RBFOX1: variants seen among roughly 807,000 people sequenced by gnomAD.
RBFOX1 encodes RNA binding protein fox-1 homolog 1.
RBFOX1 carries 8 observed loss-of-function variants against 57.7 expected under a neutral mutation model. The observed-to-expected ratio is 0.14, with a 90% CI of 0.08 to 0.25. RBFOX1 has a LOEUF of 0.25. RBFOX1 is among the 10% of genes least tolerant of loss of function. The probability of loss-of-function intolerance (pLI) is 1.00; values close to 1 mark genes in which losing one functional copy is unlikely to be tolerated. For synonymous variants in RBFOX1, 326 were observed against 222.4 expected (o/e 1.47, Z -4.15); for missense variants, 611 against 548.5 (o/e 1.11, Z -1.14).
chr16:6,313,936 A>G (rs908409449), intron 1 of RBFOX1, among the ~76,000 whole-genome samples: 1 of 152,142 alleles, frequency 6.6e-6, no homozygotes, highest in Non-Finnish European at 1.5e-5. Flanking sequence ...CTTTATAACA[A>G]TGGTTCTCAG....
At chr16:6,506,284 A>G (rs1473942594) in intron 2 of RBFOX1, among the ~76,000 whole-genome samples, 1 of 152,112 alleles carries the variant, frequency 6.6e-6, no homozygotes, top group Non-Finnish European at 1.5e-5. Context: ...GAGTGGGGAA[A>G]TGTAGTGACA....
At chr16:5,643,563 T>C (rs2048950206) in intron 3 of RBFOX1, among the ~76,000 whole-genome samples, 1 of 152,186 alleles carries the variant, frequency 6.6e-6, no homozygotes, top group Admixed American at 6.5e-5. Flanking sequence ...TGGTGAATGC[T>C]TCATGATTTT....
At chr16:6,901,299 G>A (rs2068428828) in intron 3 of RBFOX1, among the ~76,000 whole-genome samples, 2 of 152,152 alleles carry the variant, frequency 1.3e-5, no homozygotes, top group African/African-American at 4.8e-5. Context: ...CCTCTCCGTG[G>A]GCTCATTTTA....
In RBFOX1 at chr16:7,504,741, A is replaced by ATATT. The variant is rs2072385871; in HGVS notation, c.28-13403_28-13402insTTAT. On this transcript the variant is annotated intron_variant, in intron 4 of 15. Coordinates refer to ENST00000550418, the MANE Select transcript of RBFOX1 (RefSeq NM_018723.4). ...TATATATATATATATATATATATAT[A>ATATT]TATATATATATATTTATATATATAT... 6.1e-3 allele frequency among the ~76,000 whole-genome samples: 63 copies of ATATT among 10,272 alleles called. 1 individual carries two copies. Among genetic ancestry groups the ATATT allele is most frequent in the African/African-American group, 8.4e-3 (29 of 3,434 alleles). The allele number at this position is 10,272 out of a possible 152,430, so 6.7% of individuals were successfully genotyped here.
chr16:5,442,489 C>T (rs1278760727), intron 1 of RBFOX1, among the ~76,000 whole-genome samples: 1 of 152,152 alleles, frequency 6.6e-6, no homozygotes. Flanking sequence ...GGTGACTGAG[C>T]AAGTTGTGTA....
intron 3 of RBFOX1, among the ~76,000 whole-genome samples, chr16:6,876,646 T>C (rs1211192107): frequency 6.6e-6 from 1 of 152,026 alleles, no homozygotes; most frequent in Non-Finnish European, 1.5e-5. Flanking sequence ...TTTCTAAGAG[T>C]ACATTTCTCA....
intron 2 of RBFOX1, among the ~76,000 whole-genome samples, chr16:5,534,701 G>T (rs75057745): frequency 0.035 from 5,296 of 152,204 alleles, 123 homozygotes; most frequent in Non-Finnish European, 0.051. Context: ...CCAGTCCACT[G>T]ACTCACGTGT....
At chr16:7,235,263 G>T (rs1332222083) in intron 4 of RBFOX1, among the ~76,000 whole-genome samples, 1 of 152,124 alleles carries the variant, frequency 6.6e-6, no homozygotes, top group Non-Finnish European at 1.5e-5. Flanking sequence ...TCAGGGATGG[G>T]TTACACAGAA....
chr16:6,643,703 C>T (rs1425109691), intron 2 of RBFOX1, among the ~76,000 whole-genome samples: 6 of 151,996 alleles, frequency 3.9e-5, no homozygotes, highest in Non-Finnish European at 8.8e-5. Context: ...TTTTAATCAT[C>T]GGAGTGGTAG....
intron 3 of RBFOX1, among the ~76,000 whole-genome samples, chr16:7,026,467 A>G (rs375183392): frequency 4.0e-5 from 6 of 151,854 alleles, no homozygotes; most frequent in African/African-American, 9.7e-5. Context: ...TTCTTCTTTC[A>G]TTTTTTTCAC....
At chr16:7,521,798 T>C (rs1411059237) in intron 5 of RBFOX1, among the ~76,000 whole-genome samples, 1 of 152,180 alleles carries the variant, frequency 6.6e-6, no homozygotes, top group Non-Finnish European at 1.5e-5. Flanking sequence ...GAAAACTCAG[T>C]AGGAAGCATG....
At position 6,146,812 on chromosome 16, in the gene RBFOX1, T is replaced by G. The variant is rs534437501; in HGVS notation, c.-127+126820T>G. 2.9e-3 allele frequency among the ~76,000 whole-genome samples: 437 copies of G among 152,332 alleles called. 2 individuals carry two copies. The highest frequency in any genetic ancestry group is 3.1e-3 in the Non-Finnish European group (211 of 68,028). ...AGTGAGCATCGTCTAAGTACTGTTTTGAGCTTTAAGTGGCGATTCAAGCTC... is the reference window on the plus strand; with the variant it reads ...AGTGAGCATCGTCTAAGTACTGTTTGGAGCTTTAAGTGGCGATTCAAGCTC... On this transcript the variant is annotated intron_variant, in intron 1 of 15. Coordinates refer to ENST00000550418, the MANE Select transcript of RBFOX1 (RefSeq NM_018723.4).
intron 3 of RBFOX1, among the ~76,000 whole-genome samples, chr16:6,982,238 A>T (rs778505614): frequency 1.3e-5 from 2 of 152,142 alleles, no homozygotes; most frequent in Non-Finnish European, 2.9e-5. Context: ...CCCGGGGAGA[A>T]ATGTAGCTGC....
intron 3 of RBFOX1, among the ~76,000 whole-genome samples, chr16:6,926,560 C>G (rs945088232): frequency 3.9e-5 from 6 of 152,142 alleles, no homozygotes; most frequent in African/African-American, 1.4e-4. Context: ...AGGGAGAAAT[C>G]CTGCAGGCTC....
intron 3 of RBFOX1, among the ~76,000 whole-genome samples, chr16:5,837,499 A>G (rs1041830090): frequency 6.6e-6 from 1 of 151,398 alleles, no homozygotes; most frequent in African/African-American, 2.4e-5. Flanking sequence ...GCCCTCCTCC[A>G]CAGACATTCC....
At chr16:7,341,765 TC>T (rs2096898673) in intron 4 of RBFOX1, among the ~76,000 whole-genome samples, 1 of 80,836 alleles carries the variant, frequency 1.2e-5, no homozygotes, top group Non-Finnish European at 2.4e-5. Flanking sequence ...CTTCCCTCCT[TC>T]CCTCCCTCCC....
chr16:6,292,225 A>G (rs1310321556), intron 1 of RBFOX1, among the ~76,000 whole-genome samples: 2 of 152,132 alleles, frequency 1.3e-5, no homozygotes, highest in Non-Finnish European at 2.9e-5. Context: ...ACACCACTGC[A>G]CTCTAGCCTG....
At chr16:7,282,239 C>T (rs1467260390) in intron 4 of RBFOX1, among the ~76,000 whole-genome samples, 2 of 152,148 alleles carry the variant, frequency 1.3e-5, no homozygotes, top group Non-Finnish European at 2.9e-5. Context: ...GCAGCGTTTG[C>T]TCAGACTAAC....
At chr16:5,528,900 T>C (rs2044351609) in intron 2 of RBFOX1, among the ~76,000 whole-genome samples, 1 of 152,134 alleles carries the variant, frequency 6.6e-6, no homozygotes, top group Non-Finnish European at 1.5e-5. Context: ...TCCATCTGCT[T>C]CGGCCTCCCA....
Sources: gnomAD v4.1 joint callset for allele counts (sites outside exome capture counted in the v4.1 genomes callset) on GRCh38, gnomAD v4.1.1 for gene constraint, MANE v1.5 for transcripts, NCBI Gene and HGNC (gene_info 2026-07-23, HGNC 2026-07-21) for gene names.